The following SMC6 variants were observed in gnomAD, a reference collection of about 807,000 sequenced individuals.
SMC6 encodes the protein structural maintenance of chromosomes 6, also known as structural maintenance of chromosomes protein 6.
Under a neutral mutation model 142.2 loss-of-function variants are expected in SMC6, and 79 were observed. The observed-to-expected ratio is 0.56, with a 90% confidence interval of 0.46 to 0.67. The LOEUF (loss-of-function observed/expected upper bound fraction) is 0.67. SMC6 is among the 30% of genes least tolerant of loss of function. The pLI is 0.00. For missense variants in SMC6, 1,072 were observed against 1,284.0 expected (o/e 0.83, Z 2.52); for synonymous variants, 411 against 412.4 (o/e 1.00, Z 0.04).
rs750529972 is a variant in SMC6 at position 17,665,023 on chromosome 2, C to G, written c.*476G>C. 1.3e-5 allele frequency: 2 copies of G among 152,642 alleles called. No individual in the cohort carries two copies. The highest frequency in any genetic ancestry group is 2.9e-5 in the Non-Finnish European group (2 of 68,242). 9.5% of individuals were successfully genotyped at this position (152,642 alleles called of 1,614,324 possible). A position where few individuals can be genotyped will look rare whatever the true frequency, so the allele number is the denominator to read the frequency against. ...AAGCTTCAGTGTTCCGTACAAGTGT[C>G]TTATTCCCTTGCACCCCACCCTCTG... On this transcript the variant is annotated 3_prime_UTR_variant, in exon 28 of 28. Coordinates refer to ENST00000448223, the MANE Select transcript of SMC6 (RefSeq NM_001142286.2).
intron 24 of SMC6, 79 bp from the exon 25 acceptor site, chr2:17,679,043 T>G (rs570804612): frequency 2.2e-6 from 2 of 921,244 alleles, no homozygotes; most frequent in South Asian, 1.7e-5. Flanking sequence ...TCTAAGCATG[T>G]GAGAAAACCA....
chr2:17,728,576 C>T (rs758676061), intron 7 of SMC6, among the ~76,000 whole-genome samples: 1 of 152,172 alleles, frequency 6.6e-6, no homozygotes, highest in South Asian at 2.1e-4. Flanking sequence ...GTAGCTTTAT[C>T]TGTCAGAATC....
At chr2:17,698,117 T>G (rs1431443143) in intron 21 of SMC6, among the ~76,000 whole-genome samples, 1 of 152,064 alleles carries the variant, frequency 6.6e-6, no homozygotes, top group Non-Finnish European at 1.5e-5. Context: ...AGATTTGTTT[T>G]TGCCAGGGGA....
At chr2:17,717,292 A>C in intron 12 of SMC6, 116 bp from the exon 13 acceptor site, 1 of 638,864 alleles carries the variant, frequency 1.6e-6, no homozygotes, top group Non-Finnish European at 2.5e-6. Context: ...TTTTTAAATG[A>C]AGCACAAAAT....
chr2:17,745,706 T>C, intron 3 of SMC6, 121 bp downstream of exon 3: 1 of 1,071,242 alleles, frequency 9.3e-7, no homozygotes, highest in Non-Finnish European at 1.3e-6. Context: ...GAACAGATTT[T>C]ACCTCAACTT....
At chr2:17,732,398 A>G (rs547885102) in intron 5 of SMC6, among the ~76,000 whole-genome samples, 1 of 152,246 alleles carries the variant, frequency 6.6e-6, no homozygotes, top group East Asian at 1.9e-4. Flanking sequence ...AAACCATTTG[A>G]TATCAAGAAG....
At chr2:17,711,199 A>G (rs1668810252) in intron 16 of SMC6, among the ~76,000 whole-genome samples, 1 of 152,158 alleles carries the variant, frequency 6.6e-6, no homozygotes, top group South Asian at 2.1e-4. Context: ...TAAAGCGCCA[A>G]GTCACAACTA....
chr2:17,673,115 C>G (rs1275906753), intron 25 of SMC6, among the ~76,000 whole-genome samples: 1 of 152,122 alleles, frequency 6.6e-6, no homozygotes, highest in African/African-American at 2.4e-5. Flanking sequence ...AACGGTGTGA[C>G]AGTAACTTAC....
At chr2:17,691,226 ATG>A (rs1667696678) in intron 23 of SMC6, among the ~76,000 whole-genome samples, 1 of 86,220 alleles carries the variant, frequency 1.2e-5, no homozygotes, top group Non-Finnish European at 2.8e-5. Context: ...AGAGAGAAAA[ATG>A]TGTATACACA....
chr2:17,700,059 G>C, intron 21 of SMC6, 149 bp downstream of exon 21: 3 of 484,308 alleles, frequency 6.2e-6, no homozygotes, highest in Non-Finnish European at 1.1e-5. Flanking sequence ...ATCTAATGAT[G>C]AAAGTTTGGT....
intron 4 of SMC6, among the ~76,000 whole-genome samples, chr2:17,740,212 C>T (rs181018358): frequency 3.9e-5 from 6 of 152,292 alleles, no homozygotes; most frequent in Admixed American, 3.3e-4. Flanking sequence ...GTATTTATTT[C>T]TTGTCCCATG....
In SMC6 at chr2:17,703,228, C is replaced by A; in HGVS notation, c.2071G>T (p.Ala691Ser). The part of the protein sequence containing the change: ...QILNLQQHLS[A>S]LEKDIKHNEE... ...TTGTGTTTAATATCTTTTTCAAGGGCAGATAAATGTTGCTGAAGATTTAAT... is the reference window on the plus strand; with the variant it reads ...TTGTGTTTAATATCTTTTTCAAGGGAAGATAAATGTTGCTGAAGATTTAAT... Residue 691 changes from alanine (A) to serine (S), a missense_variant, in exon 19 of 28, where the codon GCC (alanine) becomes TCC (serine). Ala to Ser is a moderately conservative substitution (Grantham distance 99, BLOSUM62 1). Transcript: ENST00000448223. The A allele has an allele frequency of 6.3e-7, 1 of 1,598,972 alleles. No individual in the cohort carries two copies. Among genetic ancestry groups the A allele is most frequent in the Non-Finnish European group, 8.5e-7 (1 of 1,169,786 alleles).
At chr2:17,709,533 C>T (rs753223062) in intron 16 of SMC6, among the ~76,000 whole-genome samples, 1 of 152,094 alleles carries the variant, frequency 6.6e-6, no homozygotes, top group Non-Finnish European at 1.5e-5. Context: ...CTTTCCTAGT[C>T]CTAGAATTCC....
intron 5 of SMC6, 34 bp downstream of exon 5, chr2:17,738,187 A>C: frequency 6.7e-7 from 1 of 1,484,082 alleles, no homozygotes; most frequent in South Asian, 1.1e-5. Context: ...CTTACTAAAG[A>C]ATTGAAAATA....
chr2:17,711,139 C>T (rs954059085), intron 16 of SMC6, among the ~76,000 whole-genome samples: 1 of 152,090 alleles, frequency 6.6e-6, no homozygotes, highest in Non-Finnish European at 1.5e-5. Context: ...TCACCATTTT[C>T]GGGCAGCCAA....
chr2:17,749,177 A>G (rs1007980193), intron 2 of SMC6, among the ~76,000 whole-genome samples: 1 of 152,236 alleles, frequency 6.6e-6, no homozygotes, highest in Non-Finnish European at 1.5e-5. Flanking sequence ...AAACATATTT[A>G]CAGATGCAAA....
chr2:17,700,825 A>C (rs1331717976), intron 20 of SMC6, among the ~76,000 whole-genome samples: 2 of 152,002 alleles, frequency 1.3e-5, no homozygotes, highest in Non-Finnish European at 2.9e-5. Context: ...TAAGGACAGG[A>C]GTTTGAGACC....
chr2:17,734,358 C>T (rs1299820896), intron 5 of SMC6, among the ~76,000 whole-genome samples: 1 of 152,088 alleles, frequency 6.6e-6, no homozygotes, highest in Non-Finnish European at 1.5e-5. Context: ...ACAATATTAC[C>T]TAATTAAGAC....
intron 21 of SMC6, among the ~76,000 whole-genome samples, chr2:17,698,530 T>C (rs1668119508): frequency 6.6e-6 from 1 of 152,086 alleles, no homozygotes; most frequent in African/African-American, 2.4e-5. Flanking sequence ...CTGATTTTAA[T>C]ATAGCTACTC....
Sources: allele counts gnomAD v4.1 joint callset (sites outside exome capture counted in the v4.1 genomes callset), GRCh38; gene constraint gnomAD v4.1.1; transcripts MANE v1.5; gene names NCBI Gene and HGNC (gene_info 2026-07-23, HGNC 2026-07-21).